PPP4R1: variants seen among roughly 807,000 people sequenced by gnomAD.
The protein encoded by PPP4R1 is serine/threonine-protein phosphatase 4 regulatory subunit 1.
In PPP4R1, 42 loss-of-function variants were observed where a neutral mutation model predicts 111.2. The observed-to-expected ratio is 0.38, with a 90% confidence interval of 0.29 to 0.49. The LOEUF (loss-of-function observed/expected upper bound fraction) is 0.49, where lower values mean the gene tolerates loss of function less well. PPP4R1 is among the 20% of genes least tolerant of loss of function. PPP4R1 has a pLI of 0.97. For synonymous variants in PPP4R1, 409 were observed against 405.5 expected (o/e 1.01, Z -0.10); for missense variants, 1,012 against 1,161.6 (o/e 0.87, Z 1.87).
chr18:9,584,835 T>C lies in PPP4R1; in HGVS notation c.586-7A>G. 6.3e-7 allele frequency: 1 copy of C among 1,590,846 alleles called. No individual in the cohort carries two copies. The highest frequency in any genetic ancestry group is 2.2e-5 in the East Asian group (1 of 44,518). ...GAGCCATTTTGCACATTATCTAAAA[T>C]AAGTAAGAACAAACACACACTGAAA... is the stretch of plus-strand genomic sequence containing the variant. On this transcript the variant is annotated splice_region_variant and splice_polypyrimidine_tract_variant and intron_variant, in intron 6 of 19. Transcript: ENST00000400556.
rs368768489 is a variant in PPP4R1 at position 9,563,416 on chromosome 18, G to T, written c.1708C>A (p.Gln570Lys). 4.8e-5 allele frequency: 77 copies of T among 1,612,728 alleles called. No individual in the cohort carries two copies. Among genetic ancestry groups the T allele is most frequent in the Non-Finnish European group, 5.9e-5 (70 of 1,179,364 alleles). Residue 570 changes from glutamine (Q) to lysine (K), a missense_variant, in exon 12 of 20, where the codon CAA (glutamine) becomes AAA (lysine). This residue lies in a region of PPP4R1 where 707 missense variants were observed against 742.1 expected (regional missense o/e 0.95). Transcript: ENST00000400556. ...INELPNCKINQEDSVPLISDA... is the reference protein window; with the variant it reads ...INELPNCKINKEDSVPLISDA... The stretch of plus-strand genomic sequence containing the variant: ...CTGATTAAAGGCACAGAATCTTCTT[G>T]ATTTATTTTACAATTTGGTAGCTCA...
chr18:9,603,285 G>T (rs2067422701), intron 2 of PPP4R1, among the ~76,000 whole-genome samples: 1 of 121,292 alleles, frequency 8.2e-6, no homozygotes, highest in South Asian at 2.4e-4. Context: ...TAGAAATGAT[G>T]TTAAGTATTA....
At chr18:9,563,080 T>G in intron 12 of PPP4R1, 1 of 1,070,620 alleles carries the variant, frequency 9.3e-7, no homozygotes, top group South Asian at 3.9e-5. Context: ...TAATTATTCT[T>G]GATAAAGGGC....
At position 9,547,908 on chromosome 18, in the gene PPP4R1, G is replaced by A; in HGVS notation, c.2734C>T (p.Gln912Ter). 6.2e-7 allele frequency: 1 copy of A among 1,614,012 alleles called. No individual in the cohort carries two copies. The part of the protein sequence containing the change: ...SASCHQEAVE[Q>*]TIMALQMDRD... ...TCCATCTGAAGAGCCATGATGGTCT[G>A]CTCCACAGCCTCCTGGTGGCAGCTG... Residue 912 changes from glutamine (Q) to a stop codon, truncating the protein, a stop_gained, in exon 20 of 20, where the codon CAG (glutamine) becomes TAG (stop). Transcript: ENST00000400556. LOFTEE classifies it high-confidence loss of function.
At chr18:9,615,994 G>A (rs918006985), upstream of PPP4R1, among the ~76,000 whole-genome samples, 5 of 152,220 alleles carry the variant, frequency 3.3e-5, no homozygotes, top group East Asian at 3.9e-4. Flanking sequence ...AATAGACCCC[G>A]TAACCCCGAG....
At chr18:9,550,821 G>A (rs1374866536) in intron 16 of PPP4R1, 1 of 158,980 alleles carries the variant, frequency 6.3e-6, no homozygotes, top group Non-Finnish European at 1.4e-5. Context: ...AGGCTCTGAG[G>A]AGCCTTCCTG....
intron 3 of PPP4R1, 29 bp from the exon 4 acceptor site, chr18:9,593,903 T>G (rs750033425): frequency 1.3e-6 from 2 of 1,542,002 alleles, no homozygotes; most frequent in Non-Finnish European, 1.8e-6. Flanking sequence ...ATTATGTATG[T>G]TCAATGGCAT....
intron 15 of PPP4R1, among the ~76,000 whole-genome samples, chr18:9,554,788 T>G (rs540180838): frequency 6.6e-6 from 1 of 152,310 alleles, no homozygotes; most frequent in South Asian, 2.1e-4. Context: ...CTGAAAGTAT[T>G]GATGCACTTA....
At chr18:9,609,494 C>G (rs908857194) in intron 2 of PPP4R1, among the ~76,000 whole-genome samples, 1 of 152,194 alleles carries the variant, frequency 6.6e-6, no homozygotes, top group Non-Finnish European at 1.5e-5. Context: ...TAGTTCTGGA[C>G]CCATCCTTCA....
chr18:9,582,088 AAAG>A (rs1212365340), intron 9 of PPP4R1, among the ~76,000 whole-genome samples: 1 of 152,116 alleles, frequency 6.6e-6, no homozygotes, highest in African/African-American at 2.4e-5. Flanking sequence ...ATGATAATTC[AAAG>A]AAGGAAGGAA....
At chr18:9,588,302 T>C in intron 5 of PPP4R1, 67 bp from the exon 6 acceptor site, 1 of 1,500,200 alleles carries the variant, frequency 6.7e-7, no homozygotes, top group African/African-American at 1.4e-5. Context: ...CACTTGATTT[T>C]TATAAACAAA....
In PPP4R1 at chr18:9,570,588, T is replaced by C. The variant is rs112306883; in HGVS notation, c.1142A>G (p.Asn381Ser). The change falls in exon 11 of 20, where the codon AAC (asparagine) becomes AGC (serine). Residue 381 changes from asparagine to serine, a missense_variant. By Grantham distance (46) the Asn-to-Ser change is conservative (BLOSUM62 1). Transcript: ENST00000400556. ...CTCAGCAGCATGGTCTTCCATCGTG[T>C]TTTCCAGTATGACACTGGAATTACT... ...SVSNSSVILE[N>S]TMEDHAAEAS... is the part of the protein sequence containing the mutation. The C allele has an allele frequency of 6.0e-5, 97 of 1,614,158 alleles. No individual in the cohort carries two copies. The African/African-American group carries it at 1.1e-3, about 18-fold the overall frequency.
chr18:9,610,624 A>G (rs1023852458), intron 2 of PPP4R1, among the ~76,000 whole-genome samples: 1 of 144,256 alleles, frequency 6.9e-6, no homozygotes, highest in Non-Finnish European at 1.5e-5. Flanking sequence ...CACCACGCCC[A>G]GTTAATTTTT....
intron 4 of PPP4R1, among the ~76,000 whole-genome samples, chr18:9,592,566 T>C (rs1020840817): frequency 2.0e-5 from 3 of 152,080 alleles, no homozygotes; most frequent in Non-Finnish European, 4.4e-5. Flanking sequence ...TGGTATAGAG[T>C]ATGTACTGTT....
At chr18:9,583,830 T>A (rs2067071782) in intron 8 of PPP4R1, among the ~76,000 whole-genome samples, 1 of 151,648 alleles carries the variant, frequency 6.6e-6, no homozygotes, top group Non-Finnish European at 1.5e-5. Flanking sequence ...TATCTTAAAT[T>A]TTAAGTTATT....
At chr18:9,586,382 A>G (rs563666124) in intron 6 of PPP4R1, among the ~76,000 whole-genome samples, 1 of 152,268 alleles carries the variant, frequency 6.6e-6, no homozygotes, top group East Asian at 1.9e-4. Flanking sequence ...GGCCAAGCCC[A>G]AAACTGATTT....
chr18:9,587,954 T>C, intron 6 of PPP4R1, 135 bp downstream of exon 6: 1 of 1,100,110 alleles, frequency 9.1e-7, no homozygotes, highest in South Asian at 1.6e-5. Flanking sequence ...TGACCTCAAG[T>C]GATCCACCCA....
At chr18:9,613,821 T>TCC (rs1206639012) in intron 2 of PPP4R1, 1 of 153,892 alleles carries the variant, frequency 6.5e-6, no homozygotes, top group Non-Finnish European at 1.4e-5. Flanking sequence ...GAAACACACC[T>TCC]CCCGCGCGAG....
In PPP4R1 at chr18:9,584,019, T is replaced by C. The variant is rs76462290; in HGVS notation, c.759+496A>G. ...GCATACTGGATTGTCTTATGCAATA[T>C]TTCTGGCTATGCAAAAGCACTCCCA... On this transcript the variant is annotated intron_variant, in intron 8 of 19. Coordinates refer to ENST00000400556, the MANE Select transcript of PPP4R1 (RefSeq NM_001042388.3). Among the ~76,000 whole-genome samples, 1,454 of 152,296 alleles carry C rather than the reference T, an allele frequency of 9.5e-3. 21 individuals are homozygous for C. Among genetic ancestry groups the C allele is most frequent in the African/African-American group, 0.033 (1,363 of 41,564 alleles).
Sources: gnomAD v4.1 joint callset for allele counts (sites outside exome capture counted in the v4.1 genomes callset) on GRCh38, gnomAD v4.1.1 for gene constraint, gnomAD v4.1.1 regional missense constraint, MANE v1.5 for transcripts, NCBI Gene and HGNC (gene_info 2026-07-23, HGNC 2026-07-21) for gene names.